BEND4: variants seen among roughly 807,000 people sequenced by gnomAD.
The protein encoded by BEND4 is BEN domain containing 4, also known as BEN domain-containing protein 4.
A neutral mutation model predicts 54.7 loss-of-function variants in BEND4; 27 were observed. The observed-to-expected ratio is 0.49, with a 90% CI of 0.36 to 0.68. The LOEUF (loss-of-function observed/expected upper bound fraction) is 0.68, where lower values mean the gene tolerates loss of function less well. Among genes scored for constraint, BEND4 ranks in the 30% least tolerant of loss-of-function variants. The pLI is 0.00. For missense variants in BEND4, 702 were observed against 697.2 expected, an observed-to-expected ratio of 1.01 and a Z score of -0.08; for synonymous variants, 327 against 299.5, an observed-to-expected ratio of 1.09 and a Z score of -0.95.
intron 3 of BEND4, among the ~76,000 whole-genome samples, chr4:42,132,435 A>G (rs1370536944): frequency 7.6e-6 from 1 of 132,324 alleles, no homozygotes; most frequent in Non-Finnish European, 1.5e-5. Context: ...GAAATTTTTT[A>G]TTTTATTATT....
intron 3 of BEND4, among the ~76,000 whole-genome samples, chr4:42,140,930 G>C (rs1376693715): frequency 6.6e-6 from 1 of 152,142 alleles, no homozygotes; most frequent in African/African-American, 2.4e-5. Context: ...TTCTGCCCCA[G>C]CTAAAGAGGG....
chr4:42,119,737 T>C (rs1719987239), intron 5 of BEND4, among the ~76,000 whole-genome samples: 1 of 152,168 alleles, frequency 6.6e-6, no homozygotes, highest in African/African-American at 2.4e-5. Flanking sequence ...CACCTTCCCT[T>C]CTTCTGTGTG....
chr4:42,151,976 CG>C lies in BEND4; in HGVS notation c.167del (p.Pro56ArgfsTer58). ...GCGGCGCGAAGGGCGGCGGGGGCGG[CG>C]GGGGCGCCCGCACGTGCGGCAGCTC... Reference protein sequence around the residue: ...LVELPHVRAPPPPPPPFAPHA... With the variant: ...LVELPHVRAPXPPPPPFAPHA... On this transcript the variant is annotated frameshift_variant, in exon 2 of 6. Transcript: ENST00000502486. LOFTEE classifies it high-confidence loss of function. The C allele has an allele frequency of 8.0e-7, 1 of 1,250,968 alleles. No individual in the cohort carries two copies. The highest frequency in any genetic ancestry group is 3.2e-5 in the East Asian group (1 of 31,532). The allele number at this position is 1,250,968 out of a possible 1,614,324, so 77.5% of individuals were successfully genotyped here. A position where few individuals can be genotyped will look rare whatever the true frequency, so the allele number is the denominator to read the frequency against.
rs1719620500 is a variant in BEND4 at position 42,112,673 on chromosome 4, A to G, written c.*4845T>C. On this transcript the variant is annotated 3_prime_UTR_variant, in exon 6 of 6. Coordinates refer to ENST00000502486, the MANE Select transcript of BEND4 (RefSeq NM_207406.4). Reference sequence around the variant, plus strand: ...TGGTCATCAGATGAGGGAAGTCTCAACCTCTCAGTGTTAACCTGCAACTGA... The same window carrying G: ...TGGTCATCAGATGAGGGAAGTCTCAGCCTCTCAGTGTTAACCTGCAACTGA... 6.6e-6 allele frequency: 1 copy of G among 152,160 alleles called. No homozygotes were observed. Among genetic ancestry groups the G allele is most frequent in the Non-Finnish European group, 1.5e-5 (1 of 68,034 alleles). 9.4% of individuals were successfully genotyped at this position (152,160 alleles called of 1,614,324 possible). A position where few individuals can be genotyped will look rare whatever the true frequency, so the allele number is the denominator to read the frequency against.
At position 42,143,920 on chromosome 4, in the gene BEND4, G is replaced by A. The variant is rs199782309; in HGVS notation, c.562C>T (p.Leu188Phe). The A allele has an allele frequency of 7.7e-5, 118 of 1,537,382 alleles. No individual in the cohort carries two copies. The highest frequency in any genetic ancestry group is 9.7e-5 in the Non-Finnish European group (111 of 1,146,336). ...VLSLLNCGGK[L>F]LDSNHSQSMI... ...GACTGAGAATGGTTGGAGTCCAGGA[G>A]TTTTCCTCCACAATTTAAGAGGCTA... Residue 188 changes from leucine to phenylalanine, a missense_variant, in exon 3 of 6, where the codon CTC becomes TTC. Physicochemically the swap from Leu to Phe is conservative, Grantham distance 22. Transcript: ENST00000502486.
chr4:42,119,915 G>T, intron 5 of BEND4, 139 bp downstream of exon 5: 1 of 1,063,276 alleles, frequency 9.4e-7, no homozygotes, highest in Non-Finnish European at 1.4e-6. Context: ...AGACTGAGTA[G>T]ATGGGCCACA....
chr4:42,129,064 T>C (rs556749376), intron 3 of BEND4, among the ~76,000 whole-genome samples: 8 of 152,344 alleles, frequency 5.3e-5, no homozygotes, highest in East Asian at 1.9e-4. Context: ...CTTAAGCTGA[T>C]AAGAAACTTC....
chr4:42,146,888 A>T (rs1577769715), intron 2 of BEND4, among the ~76,000 whole-genome samples: 1 of 152,326 alleles, frequency 6.6e-6, no homozygotes, highest in East Asian at 1.9e-4. Context: ...AGTAGTTTTA[A>T]TCACATTGAT....
chr4:42,144,050 A>G (rs752489179), intron 2 of BEND4, 56 bp from the exon 3 acceptor site: 1 of 1,256,340 alleles, frequency 8.0e-7, no homozygotes, highest in African/African-American at 1.5e-5. Flanking sequence ...AAAGATAAAT[A>G]AAGTCCTCAA....
intron 3 of BEND4, among the ~76,000 whole-genome samples, chr4:42,128,183 G>A (rs756554703): frequency 7.9e-5 from 12 of 152,056 alleles, no homozygotes; most frequent in African/African-American, 2.2e-4. Context: ...ACAAAAAGAC[G>A]CATATGAAAA....
chr4:42,140,970 T>C (rs931270915), intron 3 of BEND4, among the ~76,000 whole-genome samples: 4 of 152,002 alleles, frequency 2.6e-5, no homozygotes, highest in Non-Finnish European at 5.9e-5. Flanking sequence ...AATACCCCTA[T>C]GAGATAAACC....
chr4:42,124,956 G>T (rs1287954674), intron 4 of BEND4, among the ~76,000 whole-genome samples: 1 of 152,140 alleles, frequency 6.6e-6, no homozygotes, highest in African/African-American at 2.4e-5. Context: ...TTCTTTTTAG[G>T]CTGGGGGAAA....
At position 42,151,718 on chromosome 4, in the gene BEND4, C is replaced by G. The variant is rs748376382; in HGVS notation, c.426G>C (p.Ala142=). ...FAAVVRYGPG[A]AAAAGTGGTG... Reference sequence around the variant, plus strand: ...TGCCGCCGGTGCCGGCGGCCGCCGCCGCGCCTGGGCCATACCTGACGACAG... The same window carrying G: ...TGCCGCCGGTGCCGGCGGCCGCCGCGGCGCCTGGGCCATACCTGACGACAG... Residue 142 remains alanine, a synonymous_variant, in exon 2 of 6, where the codon GCG becomes GCC. Transcript: ENST00000502486. The G allele has an allele frequency of 2.0e-6, 3 of 1,502,856 alleles. No individual in the cohort carries two copies. The highest frequency in any genetic ancestry group is 2.7e-6 in the Non-Finnish European group (3 of 1,130,936). 93.1% of individuals were successfully genotyped at this position (1,502,856 alleles called of 1,614,324 possible).
intron 2 of BEND4, among the ~76,000 whole-genome samples, chr4:42,145,585 G>T (rs1322473972): frequency 6.6e-6 from 1 of 151,746 alleles, no homozygotes. Context: ...CCAGCTACTC[G>T]GGGGGCTGAG....
Position 42,143,750 on chromosome 4 carries a change from G to T in BEND4, c.732C>A (p.Ala244=), listed in dbSNP as rs768148715. The T allele has an allele frequency of 8.1e-6, 13 of 1,613,884 alleles. 1 individual carries two copies. The highest frequency in any genetic ancestry group is 1.1e-5 in the Non-Finnish European group (13 of 1,179,890). ...GAGAGTCAGTGAAAACCCTCAAAAA[G>T]GCAGAAGTTTGTTGTTTCCTTTGCA... ...QYMQRKQQTS[A]FLRVFTDSLQ... Residue 244 remains alanine, a synonymous_variant, in exon 3 of 6, where the codon GCC becomes GCA. Transcript: ENST00000502486.
At chr4:42,125,245 T>A (rs1186214934) in intron 4 of BEND4, among the ~76,000 whole-genome samples, 1 of 152,004 alleles carries the variant, frequency 6.6e-6, no homozygotes, top group Non-Finnish European at 1.5e-5. Context: ...GTGCCCAGAG[T>A]GAGGGGCATG....
chr4:42,147,179 T>A (rs78973570), intron 2 of BEND4, among the ~76,000 whole-genome samples: 4,936 of 152,264 alleles, frequency 0.032, 93 homozygotes, highest in Non-Finnish European at 0.051. Flanking sequence ...AGAGTAGAAT[T>A]TTTTCTCTTT....
chr4:42,149,164 G>A (rs1174326507), intron 2 of BEND4, among the ~76,000 whole-genome samples: 1 of 152,172 alleles, frequency 6.6e-6, no homozygotes, highest in Admixed American at 6.5e-5. Context: ...ACTTCTGCGA[G>A]GGTGCAACAG....
rs1257512523 is a variant in BEND4 at position 42,114,756 on chromosome 4, CTT to C, written c.*2760_*2761del. The C allele has an allele frequency of 6.6e-6, 1 of 152,214 alleles. No individual in the cohort carries two copies. The highest frequency in any genetic ancestry group is 1.5e-5 in the Non-Finnish European group (1 of 68,066). The allele number at this position is 152,214 out of a possible 1,614,324, so 9.4% of individuals were successfully genotyped here. ...CCTTGCCAAAATACAAATGAACATC[CTT>C]TGTTGGTCCTGATTTAAACAAGAGG... On this transcript the variant is annotated 3_prime_UTR_variant, in exon 6 of 6. Coordinates refer to ENST00000502486, the MANE Select transcript of BEND4 (RefSeq NM_207406.4).
Sources: gnomAD v4.1 joint callset for allele counts (sites outside exome capture counted in the v4.1 genomes callset) on GRCh38, gnomAD v4.1.1 for gene constraint, MANE v1.5 for transcripts, NCBI Gene and HGNC (gene_info 2026-07-23, HGNC 2026-07-21) for gene names.